Variants in LRBA observed in about 807,000 individuals in gnomAD.
LRBA encodes the protein LPS responsive beige-like anchor protein.
LRBA carries 176 observed loss-of-function variants against 330.0 expected under a neutral mutation model. The observed-to-expected ratio is 0.53, with a 90% CI of 0.47 to 0.60. The LOEUF is 0.60. Ranked by LOEUF, LRBA falls within the 20% of genes least tolerant of loss-of-function variation. The probability of loss-of-function intolerance (pLI) is 0.00; values close to 1 mark genes in which losing one functional copy is unlikely to be tolerated. For synonymous variants in LRBA, 1,230 were observed against 1,193.0 expected, an observed-to-expected ratio of 1.03 and a Z score of -0.64; for missense variants, 3,259 against 3,444.8, an observed-to-expected ratio of 0.95 and a Z score of 1.35.
Position 150,530,424 on chromosome 4 carries a change from C to T in LRBA, c.6331-39389G>A, listed in dbSNP as rs377296792. On this transcript the variant is annotated intron_variant, in intron 40 of 56. Transcript: ENST00000651943. The stretch of plus-strand genomic sequence containing the variant: ...TATCCCTTGGCAATTTCAACAATCT[C>T]CTGTAGACTTCCATCTGGCAGTATC... Among the ~76,000 whole-genome samples, 72 of 152,066 alleles carry T rather than the reference C, an allele frequency of 4.7e-4. 1 individual carries two copies. The highest frequency in any genetic ancestry group is 1.6e-3 in the African/African-American group (67 of 41,464).
At chr4:150,901,729 C>T (rs1229830518) in intron 13 of LRBA, among the ~76,000 whole-genome samples, 1 of 152,160 alleles carries the variant, frequency 6.6e-6, no homozygotes, top group African/African-American at 2.4e-5. Context: ...CACTTAAAAG[C>T]AGGGCTTGGA....
At chr4:150,576,448 T>C (rs973037732) in intron 40 of LRBA, among the ~76,000 whole-genome samples, 2 of 151,938 alleles carry the variant, frequency 1.3e-5, no homozygotes, top group African/African-American at 4.8e-5. Flanking sequence ...GATGTTAACA[T>C]TGCACATTCT....
At chr4:150,793,719 C>T (rs1362925480) in intron 34 of LRBA, among the ~76,000 whole-genome samples, 2 of 152,048 alleles carry the variant, frequency 1.3e-5, no homozygotes, top group African/African-American at 4.8e-5. Flanking sequence ...GTGTTCTGCA[C>T]AATACCTCAT....
rs1738649137 is a variant in LRBA at position 150,361,260 on chromosome 4, TA to T, written c.7195-11102del. Reference sequence around the variant, plus strand: ...TCTGCATTTTCGATTAAATAATGATTAGTTAATAGGGTCAGTCTTTTAAAAT... The same window carrying T: ...TCTGCATTTTCGATTAAATAATGATTGTTAATAGGGTCAGTCTTTTAAAAT... On this transcript the variant is annotated intron_variant, in intron 47 of 56. Coordinates refer to ENST00000651943, the MANE Select transcript of LRBA (RefSeq NM_001364905.1). Among the ~76,000 whole-genome samples, 8 of 152,332 alleles carry T rather than the reference TA, an allele frequency of 5.3e-5. No individual in the cohort carries two copies. In the South Asian group the frequency reaches 1.7e-3, roughly 32 times the overall value.
intron 47 of LRBA, among the ~76,000 whole-genome samples, chr4:150,354,292 T>C (rs1467143653): frequency 6.6e-6 from 1 of 152,086 alleles, no homozygotes; most frequent in African/African-American, 2.4e-5. Flanking sequence ...CATTTTTAGT[T>C]ACAAAAAAAT....
intron 4 of LRBA, among the ~76,000 whole-genome samples, chr4:150,925,308 A>G (rs888735829): frequency 6.6e-6 from 1 of 152,164 alleles, no homozygotes; most frequent in African/African-American, 2.4e-5. Flanking sequence ...CATTTTACCA[A>G]TCCACTCTCT....
chr4:150,637,491 C>T (rs940147480), intron 37 of LRBA, among the ~76,000 whole-genome samples: 1 of 152,130 alleles, frequency 6.6e-6, no homozygotes, highest in South Asian at 2.1e-4. Flanking sequence ...GAGTAATTTG[C>T]TTCTAACCAA....
At chr4:150,742,141 A>T (rs1260295827) in intron 35 of LRBA, among the ~76,000 whole-genome samples, 3 of 34,102 alleles carry the variant, frequency 8.8e-5, no homozygotes, top group African/African-American at 2.3e-4. Context: ...CATTATTATT[A>T]TTATTATTAT....
At chr4:150,650,863 T>C (rs1201512169) in intron 37 of LRBA, among the ~76,000 whole-genome samples, 1 of 152,110 alleles carries the variant, frequency 6.6e-6, no homozygotes, top group Admixed American at 6.6e-5. Context: ...ACATGAATCA[T>C]TAGAACTTGG....
intron 31 of LRBA, among the ~76,000 whole-genome samples, chr4:150,815,189 A>C (rs1420063326): frequency 1.3e-5 from 2 of 151,976 alleles, no homozygotes; most frequent in African/African-American, 4.8e-5. Flanking sequence ...CGGCAGGTAA[A>C]TCATTTCATA....
intron 28 of LRBA, among the ~76,000 whole-genome samples, chr4:150,832,415 G>C (rs577392125): frequency 2.0e-5 from 3 of 152,244 alleles, no homozygotes; most frequent in Non-Finnish European, 4.4e-5. Context: ...GGCCAACATA[G>C]TGAAACCCCA....
intron 36 of LRBA, among the ~76,000 whole-genome samples, chr4:150,687,112 GA>G (rs1783693142): frequency 6.6e-6 from 1 of 151,890 alleles, no homozygotes; most frequent in Non-Finnish European, 1.5e-5. Context: ...CATGATAAAA[GA>G]AAACCAAACA....
chr4:150,497,365 A>G (rs1472896507), intron 40 of LRBA, among the ~76,000 whole-genome samples: 2 of 152,160 alleles, frequency 1.3e-5, no homozygotes, highest in Non-Finnish European at 2.9e-5. Context: ...GACAATGACA[A>G]TGACACACAG....
Position 150,931,591 on chromosome 4 carries a change from C to G in LRBA, c.217-2526G>C, listed in dbSNP as rs187255595. Among the ~76,000 whole-genome samples the G allele has an allele frequency of 3.6e-3, 520 of 145,120 alleles. 1 individual carries two copies. Among genetic ancestry groups the G allele is most frequent in the Non-Finnish European group, 6.2e-3 (415 of 66,690 alleles). The stretch of plus-strand genomic sequence containing the variant: ...GTCTGGCAACACAGCCAGACTCTGT[C>G]TCCATATTCAAAAAAAAAAAAAAAA... On this transcript the variant is annotated intron_variant, in intron 2 of 56. Transcript: ENST00000651943.
intron 44 of LRBA, among the ~76,000 whole-genome samples, chr4:150,459,108 C>A (rs1299582273): frequency 6.6e-6 from 1 of 151,800 alleles, no homozygotes; most frequent in East Asian, 1.9e-4. Flanking sequence ...GTAATACAAT[C>A]TTCTGTCTTA....
At chr4:151,010,658 G>A (rs957322432) in intron 2 of LRBA, among the ~76,000 whole-genome samples, 2 of 151,904 alleles carry the variant, frequency 1.3e-5, no homozygotes, top group Non-Finnish European at 2.9e-5. Flanking sequence ...AAGGCAGGCA[G>A]ATCACCTGAG....
chr4:150,534,385 T>TA (rs1382022935), intron 40 of LRBA, among the ~76,000 whole-genome samples: 6 of 149,034 alleles, frequency 4.0e-5, no homozygotes, highest in African/African-American at 1.5e-4. Flanking sequence ...TAATTTTTTT[T>TA]AAAAAAACAC....
chr4:150,343,588 G>A (rs916619210), intron 48 of LRBA, among the ~76,000 whole-genome samples: 3 of 151,990 alleles, frequency 2.0e-5, no homozygotes, highest in East Asian at 1.9e-4. Flanking sequence ...CCAGGTTCAC[G>A]TTTCATCTTT....
Position 150,506,373 on chromosome 4 carries a change from TCCA to T in LRBA, c.6331-15341_6331-15339del, listed in dbSNP as rs1354493623. On this transcript the variant is annotated intron_variant, in intron 40 of 56. Transcript: ENST00000651943. ...ATCCAGCAGCACATCAAAAAGCTTA[TCCA>T]CCATGATCAAGTGGGCTTCATCCCT... is the stretch of plus-strand genomic sequence containing the variant. Among the ~76,000 whole-genome samples, 14 of 152,302 alleles carry T rather than the reference TCCA, an allele frequency of 9.2e-5. No individual in the cohort carries two copies. The East Asian group carries it at 2.7e-3, about 29-fold the overall frequency.
Sources: gnomAD v4.1 joint callset for allele counts (sites outside exome capture counted in the v4.1 genomes callset) on GRCh38, gnomAD v4.1.1 for gene constraint, MANE v1.5 for transcripts, NCBI Gene and HGNC (gene_info 2026-07-23, HGNC 2026-07-21) for gene names.